SORCS2: variants seen among roughly 807,000 people sequenced by gnomAD.
SORCS2 encodes VPS10 domain-containing receptor SorCS2.
SORCS2 carries 100 observed loss-of-function variants against 141.6 expected under a neutral mutation model. That is an observed-to-expected ratio of 0.71 (90% CI 0.60 to 0.83). The LOEUF is 0.83. Among genes scored for constraint, SORCS2 ranks in the 40% least tolerant of loss-of-function variants. SORCS2 has a pLI of 0.00. For synonymous variants in SORCS2, 789 were observed against 676.9 expected, an observed-to-expected ratio of 1.17 and a Z score of -2.57; for missense variants, 1,646 against 1,560.2, an observed-to-expected ratio of 1.05 and a Z score of -0.93.
chr4:7,314,800 G>GTTTTTT (rs397880294), intron 1 of SORCS2, among the ~76,000 whole-genome samples: 37 of 109,808 alleles, frequency 3.4e-4, no homozygotes, highest in East Asian at 5.5e-4. Flanking sequence ...CCACTGTTCT[G>GTTTTTT]TTTTTTTTTT....
Position 7,192,577 on chromosome 4 carries a change from C to T in SORCS2, c.-70C>T. On this transcript the variant is annotated 5_prime_UTR_variant, in exon 1 of 27. Transcript: ENST00000507866. This position sits in a 1 kb window ranked among gnomAD's most constrained non-coding sequence, Gnocchi z 4.0. Reference sequence around the variant, plus strand: ...CTCGCTCGCGCTCCCCAGCGCCCTCCTGCTCTCCCGGCCGCGGTCCCCTCG... The same window carrying T: ...CTCGCTCGCGCTCCCCAGCGCCCTCTTGCTCTCCCGGCCGCGGTCCCCTCG... 1.0e-6 allele frequency: 1 copy of T among 985,518 alleles called. No homozygotes were observed. Among genetic ancestry groups the T allele is most frequent in the African/African-American group, 1.8e-5 (1 of 57,102 alleles). The allele number at this position is 985,518 out of a possible 1,614,324, so 61.0% of individuals were successfully genotyped here.
At chr4:7,653,303 G>T (rs999607213) in intron 4 of SORCS2, among the ~76,000 whole-genome samples, 15 of 152,196 alleles carry the variant, frequency 9.9e-5, no homozygotes, top group African/African-American at 3.1e-4. Flanking sequence ...GAGTGCAGTG[G>T]TGTGATCTTG....
intron 26 of SORCS2, among the ~76,000 whole-genome samples, chr4:7,738,431 G>C (rs539284664): frequency 1.3e-5 from 2 of 152,206 alleles, no homozygotes; most frequent in African/African-American, 4.8e-5. Flanking sequence ...GGTGGTGAAC[G>C]GAGCTGGAAG....
chr4:7,628,582 G>C (rs540100355), intron 3 of SORCS2, among the ~76,000 whole-genome samples: 1 of 151,850 alleles, frequency 6.6e-6, no homozygotes, highest in Admixed American at 6.5e-5. Flanking sequence ...CAGCAGCACT[G>C]AGCTCGTGGC....
At position 7,638,024 on chromosome 4, in the gene SORCS2, C is replaced by A. The variant is rs192027680; in HGVS notation, c.649-304C>A. Reference sequence around the variant, plus strand: ...TCACACTGAGCCGGTCAGGTTGGGGCTGGACCTGCCATTTCTGGACATCTC... The same window carrying A: ...TCACACTGAGCCGGTCAGGTTGGGGATGGACCTGCCATTTCTGGACATCTC... On this transcript the variant is annotated intron_variant, in intron 3 of 26. Transcript: ENST00000507866. Among the ~76,000 whole-genome samples the A allele has an allele frequency of 2.6e-3, 393 of 152,064 alleles. 6 individuals are homozygous for A. The highest frequency in any genetic ancestry group is 0.019 in the Admixed American group (286 of 15,294).
At chr4:7,569,898 C>A (rs1715273267) in intron 3 of SORCS2, among the ~76,000 whole-genome samples, 1 of 152,200 alleles carries the variant, frequency 6.6e-6, no homozygotes, top group African/African-American at 2.4e-5. Context: ...CTCTCCGGAA[C>A]TTCCTCCTCC....
At chr4:7,527,375 A>T (rs1733761394) in intron 2 of SORCS2, among the ~76,000 whole-genome samples, 1 of 152,210 alleles carries the variant, frequency 6.6e-6, no homozygotes, top group African/African-American at 2.4e-5. Flanking sequence ...AATCACAAGG[A>T]GGGAGCCAGA....
chr4:7,387,975 G>C (rs978057682), intron 1 of SORCS2, among the ~76,000 whole-genome samples: 5 of 140,788 alleles, frequency 3.6e-5, no homozygotes, highest in African/African-American at 8.2e-5. Flanking sequence ...CAGATACACA[G>C]AGATACACAT....
intron 20 of SORCS2, among the ~76,000 whole-genome samples, 179 bp from the exon 21 acceptor site, chr4:7,726,601 C>T (rs1248790435): frequency 6.6e-6 from 1 of 152,102 alleles, no homozygotes; most frequent in Admixed American, 6.5e-5. Flanking sequence ...AATAAAGAAC[C>T]GGCTGCCCGC....
chr4:7,251,254 T>C lies in SORCS2; in HGVS notation c.480+58128T>C, dbSNP rs1390934589. 2.6e-5 allele frequency among the ~76,000 whole-genome samples: 4 copies of C among 152,364 alleles called. No individual in the cohort carries two copies. In the East Asian group the frequency reaches 7.7e-4, roughly 29 times the overall value. On this transcript the variant is annotated intron_variant, in intron 1 of 26. Coordinates refer to ENST00000507866, the MANE Select transcript of SORCS2 (RefSeq NM_020777.3). ...CAAACAATGCCTTCTGAGCTCTGCC[T>C]CTTTTCTTGCTCTCTGGTCTCTGCT...
intron 3 of SORCS2, among the ~76,000 whole-genome samples, chr4:7,633,692 G>A (rs1366937973): frequency 6.6e-6 from 1 of 152,224 alleles, no homozygotes; most frequent in Non-Finnish European, 1.5e-5. Flanking sequence ...TCGTAAGGTT[G>A]TTTTCCTCCC....
At position 7,467,102 on chromosome 4, in the gene SORCS2, C is replaced by G. The variant is rs549030893; in HGVS notation, c.549-64428C>G. ...CAGCATCTAAAACTCCCACCACGGTCCAGCCTGGCGTCCCCCCAGGCGTTT... is the reference window on the plus strand; with the variant it reads ...CAGCATCTAAAACTCCCACCACGGTGCAGCCTGGCGTCCCCCCAGGCGTTT... On this transcript the variant is annotated intron_variant, in intron 2 of 26. Coordinates refer to ENST00000507866, the MANE Select transcript of SORCS2 (RefSeq NM_020777.3). Among the ~76,000 whole-genome samples, 3 of 152,258 alleles carry G rather than the reference C, an allele frequency of 2.0e-5. No individual in the cohort carries two copies. In the East Asian group the frequency reaches 5.8e-4, roughly 30 times the overall value.
chr4:7,595,589 A>G (rs1717219350), intron 3 of SORCS2, among the ~76,000 whole-genome samples: 1 of 141,288 alleles, frequency 7.1e-6, no homozygotes, highest in Non-Finnish European at 1.5e-5. Context: ...CACTCTTGTC[A>G]CTCTGGAGAT....
intron 3 of SORCS2, among the ~76,000 whole-genome samples, chr4:7,565,415 A>G (rs1207415585): frequency 2.0e-5 from 3 of 152,128 alleles, no homozygotes; most frequent in Non-Finnish European, 4.4e-5. Context: ...GAAGATGATG[A>G]TAAAGGAGAT....
intron 3 of SORCS2, among the ~76,000 whole-genome samples, chr4:7,630,739 C>T (rs1189509714): frequency 1.3e-5 from 2 of 152,180 alleles, no homozygotes; most frequent in African/African-American, 4.8e-5. Flanking sequence ...ATTTCAGATC[C>T]GGGGGTGGAG....
intron 2 of SORCS2, among the ~76,000 whole-genome samples, chr4:7,483,220 G>A (rs1034980921): frequency 3.3e-5 from 5 of 151,904 alleles, no homozygotes; most frequent in South Asian, 4.2e-4. Context: ...CTACTCGGGA[G>A]GCTGAGGCAG....
chr4:7,640,638 A>G (rs1175141832), intron 4 of SORCS2, among the ~76,000 whole-genome samples: 1 of 151,870 alleles, frequency 6.6e-6, no homozygotes, highest in Non-Finnish European at 1.5e-5. Context: ...TGGAGACCTC[A>G]GCAATCCCAA....
intron 3 of SORCS2, among the ~76,000 whole-genome samples, chr4:7,535,021 C>T (rs1047473630): frequency 1.3e-5 from 2 of 152,190 alleles, no homozygotes; most frequent in Admixed American, 6.5e-5. Context: ...ACTGGCCTCC[C>T]GTGGGCCCTC....
intron 1 of SORCS2, among the ~76,000 whole-genome samples, chr4:7,351,795 C>G (rs1186177837): frequency 6.6e-6 from 1 of 151,926 alleles, no homozygotes; most frequent in Non-Finnish European, 1.5e-5. Flanking sequence ...ATCCATCCAT[C>G]TATCCATCAC....
Sources: gnomAD v4.1 joint callset for allele counts (sites outside exome capture counted in the v4.1 genomes callset) on GRCh38, gnomAD v4.1.1 for gene constraint, Gnocchi (gnomAD v3.1) non-coding constraint, MANE v1.5 for transcripts, NCBI Gene and HGNC (gene_info 2026-07-23, HGNC 2026-07-21) for gene names.